Variants in ELAPOR2 observed in about 807,000 individuals in gnomAD.
ELAPOR2 encodes endosome-lysosome associated apoptosis and autophagy regulator family member 2.
A neutral mutation model predicts 120.7 loss-of-function variants in ELAPOR2; 89 were observed. That is an observed-to-expected ratio of 0.74 (90% CI 0.62 to 0.88). ELAPOR2 has a LOEUF of 0.88. ELAPOR2 is among the 40% of genes least tolerant of loss of function. The probability of loss-of-function intolerance (pLI) is 0.00; values close to 1 mark genes in which losing one functional copy is unlikely to be tolerated. For missense variants in ELAPOR2, 1,134 were observed against 1,251.6 expected, an observed-to-expected ratio of 0.91 and a Z score of 1.42; for synonymous variants, 444 against 444.9, an observed-to-expected ratio of 1.00 and a Z score of 0.03.
intron 1 of ELAPOR2, among the ~76,000 whole-genome samples, chr7:87,024,583 T>C (rs1314768797): frequency 6.6e-6 from 1 of 152,202 alleles, no homozygotes; most frequent in African/African-American, 2.4e-5. Context: ...CCTCATAAAA[T>C]GAGTTAGGGA....
intron 1 of ELAPOR2, among the ~76,000 whole-genome samples, chr7:86,994,895 G>A (rs928073632): frequency 1.3e-5 from 2 of 151,470 alleles, no homozygotes; most frequent in Admixed American, 1.3e-4. Context: ...GTATCTGTTA[G>A]AATACCTTAG....
intron 8 of ELAPOR2, among the ~76,000 whole-genome samples, chr7:86,936,131 G>C (rs1412754615): frequency 6.6e-6 from 1 of 151,968 alleles, no homozygotes; most frequent in Admixed American, 6.6e-5. Flanking sequence ...CCAAAACATA[G>C]TCATTGAACA....
At chr7:86,954,824 T>A (rs1486938530) in intron 2 of ELAPOR2, among the ~76,000 whole-genome samples, 2 of 152,080 alleles carry the variant, frequency 1.3e-5, no homozygotes, top group Non-Finnish European at 2.9e-5. Flanking sequence ...CTTCAATGGG[T>A]TAGTCTTATT....
rs755029047 is a variant in ELAPOR2, at chr7:86,919,277, C to T, written c.1433G>A (p.Gly478Glu). The change falls in exon 11 of 22, where the codon GGG becomes GAG. Residue 478 changes from glycine to glutamate, a missense_variant. Gly to Glu is a moderately conservative substitution (Grantham distance 98). Coordinates refer to ENST00000450689, the MANE Select transcript of ELAPOR2 (RefSeq NM_001142749.3). Reference protein sequence around the residue: ...WEVAGDHIQSGAGGSDNDYLI... With the variant: ...WEVAGDHIQSEAGGSDNDYLI... ...GTAATCATTGTCAGAACCTCCAGCC[C>T]CACTCTGGATATGATCTCCAGCCAC... 9 of 1,611,320 alleles carry T rather than the reference C, an allele frequency of 5.6e-6. No individual in the cohort carries two copies. Among genetic ancestry groups the T allele is most frequent in the Non-Finnish European group, 7.6e-6 (9 of 1,178,406 alleles).
Position 87,047,857 on chromosome 7 carries a change from G to A in ELAPOR2, c.189+11468C>T, listed in dbSNP as rs113420806. On this transcript the variant is annotated intron_variant, in intron 1 of 21. Coordinates refer to ENST00000450689, the MANE Select transcript of ELAPOR2 (RefSeq NM_001142749.3). ...AAAGAAAGGAAATCAGTATATCAAAGAGATATCTGCATTGTGACGTTTGTT... is the reference window on the plus strand; with the variant it reads ...AAAGAAAGGAAATCAGTATATCAAAAAGATATCTGCATTGTGACGTTTGTT... Among the ~76,000 whole-genome samples the A allele has an allele frequency of 5.0e-3, 763 of 152,310 alleles. 6 individuals are homozygous for A. The highest frequency in any genetic ancestry group is 0.018 in the African/African-American group (733 of 41,562).
chr7:86,960,162 G>C (rs758872732), intron 2 of ELAPOR2, among the ~76,000 whole-genome samples: 2 of 152,316 alleles, frequency 1.3e-5, no homozygotes, highest in South Asian at 4.1e-4. Context: ...TGTTTGAAAA[G>C]AACATGCATT....
At chr7:86,892,189 T>C (rs1390462390) in intron 20 of ELAPOR2, among the ~76,000 whole-genome samples, 3 of 152,098 alleles carry the variant, frequency 2.0e-5, no homozygotes, top group African/African-American at 7.2e-5. Context: ...CTGAATGCAT[T>C]TTCTTAACAT....
intron 1 of ELAPOR2, among the ~76,000 whole-genome samples, chr7:86,967,466 A>G (rs1454677896): frequency 1.3e-5 from 2 of 152,162 alleles, no homozygotes; most frequent in Non-Finnish European, 2.9e-5. Flanking sequence ...CTCAAAAATA[A>G]AATAAAATAA....
intron 1 of ELAPOR2, among the ~76,000 whole-genome samples, chr7:87,001,567 A>G (rs1015446718): frequency 6.6e-6 from 1 of 152,154 alleles, no homozygotes; most frequent in African/African-American, 2.4e-5. Flanking sequence ...AGGTGGAGCA[A>G]AGCCAACAAG....
rs370536086 is a variant in ELAPOR2 at position 87,030,202 on chromosome 7, C to T, written c.189+29123G>A. On this transcript the variant is annotated intron_variant, in intron 1 of 21. Coordinates refer to ENST00000450689, the MANE Select transcript of ELAPOR2 (RefSeq NM_001142749.3). ...AGTAAGTCACATTTATTCTCCCTGT[C>T]CTGTTAGGGTGATCACCTACTGCTA... 3.0e-4 allele frequency among the ~76,000 whole-genome samples: 45 copies of T among 152,172 alleles called. No individual in the cohort carries two copies. In the East Asian group the frequency reaches 4.3e-3, roughly 14 times the overall value.
chr7:87,043,034 A>G (rs1794835254), intron 1 of ELAPOR2, among the ~76,000 whole-genome samples: 1 of 152,188 alleles, frequency 6.6e-6, no homozygotes, highest in African/African-American at 2.4e-5. Context: ...ATTCCTTGAC[A>G]CATACACTCT....
At chr7:86,935,948 T>C (rs1156573121) in intron 8 of ELAPOR2, among the ~76,000 whole-genome samples, 1 of 152,096 alleles carries the variant, frequency 6.6e-6, no homozygotes, top group Non-Finnish European at 1.5e-5. Context: ...CTAAGCAATC[T>C]ATTTTAAACT....
intron 1 of ELAPOR2, among the ~76,000 whole-genome samples, chr7:87,004,023 A>G (rs1257664883): frequency 1.3e-5 from 2 of 152,156 alleles, no homozygotes; most frequent in Non-Finnish European, 2.9e-5. Flanking sequence ...GTTCTTATCT[A>G]CAAAGCCATC....
rs1186473051 is a variant in ELAPOR2, at chr7:86,880,348, G to T, written c.*123C>A. The T allele has an allele frequency of 4.0e-6, 3 of 745,300 alleles. No individual in the cohort carries two copies. The highest frequency in any genetic ancestry group is 2.5e-5 in the East Asian group (1 of 40,152). The allele number at this position is 745,300 out of a possible 1,614,324, so 46.2% of individuals were successfully genotyped here. On this transcript the variant is annotated 3_prime_UTR_variant, in exon 22 of 22. Transcript: ENST00000450689. ...GTTTCAATCTCCTTCCCTTTTCAGC[G>T]GCATGGCCCTCCTCTGTGAGATCAC...
At chr7:87,044,510 G>C (rs1794884044) in intron 1 of ELAPOR2, among the ~76,000 whole-genome samples, 1 of 137,950 alleles carries the variant, frequency 7.2e-6, no homozygotes, top group Non-Finnish European at 1.6e-5. Context: ...ATGGGGAAAG[G>C]ATTCCCTATT....
chr7:86,990,423 C>T (rs1298695969), intron 1 of ELAPOR2, among the ~76,000 whole-genome samples: 1 of 152,088 alleles, frequency 6.6e-6, no homozygotes, highest in East Asian at 1.9e-4. Context: ...CCTGAGTGAG[C>T]ATGTTGGCAC....
chr7:86,877,962 T>G lies in ELAPOR2; in HGVS notation c.*2509A>C, dbSNP rs1799231812. 6.6e-6 allele frequency: 1 copy of G among 152,192 alleles called. No individual in the cohort carries two copies. Among genetic ancestry groups the G allele is most frequent in the Non-Finnish European group, 1.5e-5 (1 of 68,022 alleles). The allele number at this position is 152,192 out of a possible 1,614,324, so 9.4% of individuals were successfully genotyped here. ...TTGTTAAATGACATAATATAATTTA[T>G]CCACAGAAGACATGTTCTCATCCAT... On this transcript the variant is annotated 3_prime_UTR_variant, in exon 22 of 22. Transcript: ENST00000450689.
At chr7:86,948,378 A>T (rs888575431) in intron 2 of ELAPOR2, among the ~76,000 whole-genome samples, 2 of 152,228 alleles carry the variant, frequency 1.3e-5, no homozygotes, top group Non-Finnish European at 2.9e-5. Flanking sequence ...AATTTATGCT[A>T]ATCAGTGGAT....
intron 1 of ELAPOR2, among the ~76,000 whole-genome samples, chr7:86,965,270 C>T (rs79343639): frequency 6.6e-6 from 1 of 152,280 alleles, no homozygotes; most frequent in East Asian, 1.9e-4. Context: ...ATTATCCTTT[C>T]ATCTCACCCA....
Sources: allele counts gnomAD v4.1 joint callset (sites outside exome capture counted in the v4.1 genomes callset), GRCh38; gene constraint gnomAD v4.1.1; transcripts MANE v1.5; gene names NCBI Gene and HGNC (gene_info 2026-07-23, HGNC 2026-07-21).